SLC14A2: variants seen among roughly 807,000 people sequenced by gnomAD.
SLC14A2 encodes the protein urea transporter 2.
A neutral mutation model predicts 104.6 loss-of-function variants in SLC14A2; 91 were observed. The ratio of observed to expected loss-of-function variants is 0.87; its 90% CI spans 0.73 to 1.04. The LOEUF (loss-of-function observed/expected upper bound fraction) is 1.04. SLC14A2 is among the 50% of genes least tolerant of loss of function. The probability of loss-of-function intolerance (pLI) is 0.00; values close to 1 mark genes in which losing one functional copy is unlikely to be tolerated. For synonymous variants in SLC14A2, 476 were observed against 466.4 expected (o/e 1.02, Z -0.27); for missense variants, 1,189 against 1,156.0 (o/e 1.03, Z -0.41).
intron 1 of SLC14A2, among the ~76,000 whole-genome samples, chr18:45,246,438 A>C (rs1376160956): frequency 1.3e-5 from 2 of 152,216 alleles, no homozygotes; most frequent in Non-Finnish European, 2.9e-5. Context: ...ACAATATTAA[A>C]TAATACATAT....
At chr18:45,475,279 AG>A in intron 1 of SLC14A2, among the ~76,000 whole-genome samples, 1 of 150,960 alleles carries the variant, frequency 6.6e-6, no homozygotes, top group Non-Finnish European at 1.5e-5. Flanking sequence ...TTGCTGAGGG[AG>A]GGTTTTCCAA....
chr18:45,357,947 T>C (rs560473411), intron 1 of SLC14A2, among the ~76,000 whole-genome samples: 1 of 152,158 alleles, frequency 6.6e-6, no homozygotes, highest in African/African-American at 2.4e-5. Context: ...TCAGCACAGA[T>C]GAGCTGGCAA....
At chr18:45,197,127 C>T in the SLC14A2 span, among the ~76,000 whole-genome samples, 7 of 152,190 alleles carry the variant, frequency 4.6e-5, no homozygotes, top group African/African-American at 1.7e-4. Flanking sequence ...CATGTCCACA[C>T]TCCAGAAAAA....
At chr18:45,391,505 A>T (rs1207401192) in intron 1 of SLC14A2, among the ~76,000 whole-genome samples, 3 of 152,142 alleles carry the variant, frequency 2.0e-5, no homozygotes, top group East Asian at 1.9e-4. Flanking sequence ...CGCCCCACTG[A>T]CTTCCACAAT....
At chr18:45,447,157 C>A (rs1471531473) in intron 1 of SLC14A2, 2 of 152,180 alleles carry the variant, frequency 1.3e-5, no homozygotes, top group Non-Finnish European at 2.9e-5. Context: ...GCTGCCCAGA[C>A]TCAAGGAGGG....
intron 1 of SLC14A2, among the ~76,000 whole-genome samples, chr18:45,446,149 G>A (rs572646925): frequency 1.3e-4 from 20 of 152,168 alleles, no homozygotes; most frequent in African/African-American, 3.6e-4. Context: ...CAGGGTTCAC[G>A]CTCAGTTAAA....
At chr18:45,203,984 G>A in the SLC14A2 span, among the ~76,000 whole-genome samples, 28 of 152,188 alleles carry the variant, frequency 1.8e-4, no homozygotes, top group African/African-American at 2.7e-4. Flanking sequence ...AGCTTGAAGA[G>A]TGAATATTAA....
chr18:45,613,065 C>T (rs2044997799), upstream of SLC14A2, among the ~76,000 whole-genome samples: 1 of 152,130 alleles, frequency 6.6e-6, no homozygotes, highest in Non-Finnish European at 1.5e-5. Context: ...GAGACAGTCT[C>T]ACTCTGTCGC....
intron 1 of SLC14A2, among the ~76,000 whole-genome samples, chr18:45,463,142 G>A (rs2087076141): frequency 6.6e-6 from 1 of 152,148 alleles, no homozygotes. Context: ...TGGCTCTGCT[G>A]TCCCTTTCTT....
chr18:45,586,334 T>C (rs1186216736), intron 2 of SLC14A2, among the ~76,000 whole-genome samples: 3 of 152,088 alleles, frequency 2.0e-5, no homozygotes, highest in African/African-American at 7.2e-5. Flanking sequence ...GAGCCTCAGA[T>C]GTCAGTGTAG....
chr18:45,615,856 AGAGG>A (rs2045061619), intron 1 of SLC14A2, among the ~76,000 whole-genome samples: 1 of 150,142 alleles, frequency 6.7e-6, no homozygotes, highest in African/African-American at 2.4e-5. Flanking sequence ...AGAGAGAGAG[AGAGG>A]GAGAGAGAGA....
At chr18:45,206,210 T>C in the SLC14A2 span, among the ~76,000 whole-genome samples, 1 of 152,192 alleles carries the variant, frequency 6.6e-6, no homozygotes, top group African/African-American at 2.4e-5. Context: ...TAGTGTTCCA[T>C]GTAGCCCCTG....
intron 10 of SLC14A2, among the ~76,000 whole-genome samples, chr18:45,661,036 C>T (rs2045927997): frequency 6.6e-6 from 1 of 152,184 alleles, no homozygotes; most frequent in African/African-American, 2.4e-5. Flanking sequence ...GAGAAAGGTA[C>T]TTTCTGTTTT....
At chr18:45,580,107 C>T (rs752282275) in intron 2 of SLC14A2, among the ~76,000 whole-genome samples, 12 of 152,174 alleles carry the variant, frequency 7.9e-5, no homozygotes, top group South Asian at 4.2e-4. Context: ...CGCAAAGCCA[C>T]GAGATCAGAC....
chr18:45,434,697 C>T (rs552082903), intron 1 of SLC14A2, among the ~76,000 whole-genome samples: 26 of 152,214 alleles, frequency 1.7e-4, no homozygotes, highest in African/African-American at 5.5e-4. Context: ...AAAACCAGCA[C>T]GTGAAGATTT....
At chr18:45,380,094 C>T (rs2085818137) in intron 1 of SLC14A2, among the ~76,000 whole-genome samples, 1 of 152,192 alleles carries the variant, frequency 6.6e-6, no homozygotes, top group African/African-American at 2.4e-5. Flanking sequence ...TACCTTTTAA[C>T]TATCTTTTGA....
In SLC14A2 at chr18:45,235,927, A is replaced by ATGTATATATACATATATGTGTGTATG. The variant is rs1568113800; in HGVS notation, c.-125+22737_-125+22738insGTATATATACATATATGTGTGTATGT. On this transcript the variant is annotated intron_variant, in intron 1 of 20. Coordinates refer to the SLC14A2 transcript ENST00000586448. ...TGTATATATACATATATGTGTGTAT[A>ATGTATATATACATATATGTGTGTATG]TATGTATATATACATATATGTGTGT... 1.9e-4 allele frequency among the ~76,000 whole-genome samples: 17 copies of ATGTATATATACATATATGTGTGTATG among 89,776 alleles called. 2 individuals carry two copies. Among genetic ancestry groups the ATGTATATATACATATATGTGTGTATG allele is most frequent in the South Asian group, 1.6e-3 (5 of 3,142 alleles). 58.9% of individuals were successfully genotyped at this position (89,776 alleles called of 152,430 possible). A position where few individuals can be genotyped will look rare whatever the true frequency, so the allele number is the denominator to read the frequency against.
the SLC14A2 span, among the ~76,000 whole-genome samples, chr18:45,190,649 A>G: frequency 7.2e-5 from 11 of 152,352 alleles, no homozygotes; most frequent in South Asian, 1.0e-3. Context: ...GATTCAGTTC[A>G]GTGAGAACCA....
chr18:45,400,149 C>T (rs1415454497), intron 1 of SLC14A2, among the ~76,000 whole-genome samples: 1 of 152,180 alleles, frequency 6.6e-6, no homozygotes, highest in African/African-American at 2.4e-5. Context: ...CACACAGAGA[C>T]CCCAATCAAG....
Sources: allele counts gnomAD v4.1 joint callset (sites outside exome capture counted in the v4.1 genomes callset), GRCh38; gene constraint gnomAD v4.1.1; transcripts MANE v1.5; gene names NCBI Gene and HGNC (gene_info 2026-07-23, HGNC 2026-07-21).